The following CHD1L variants were observed in gnomAD, a reference collection of about 807,000 sequenced individuals.
The protein encoded by CHD1L is ATP-dependent chromatin remodeler CHD1L.
Under a neutral mutation model 115.9 loss-of-function variants are expected in CHD1L, and 118 were observed. The ratio of observed to expected loss-of-function variants is 1.02; its 90% CI spans 0.88 to 1.19. The LOEUF (loss-of-function observed/expected upper bound fraction) is 1.19. Among genes scored for constraint, CHD1L ranks in the 50% most tolerant of loss-of-function variants. CHD1L has a pLI of 0.00. For synonymous variants in CHD1L, 411 were observed against 387.1 expected (o/e 1.06, Z -0.72); for missense variants, 1,179 against 1,065.3 (o/e 1.11, Z -1.49).
chr1:147,190,176 C>T, the CHD1L span: 1 of 1,596,826 alleles, frequency 6.3e-7, no homozygotes, highest in South Asian at 1.1e-5. Flanking sequence ...GAGTTTCTTA[C>T]CTTTTGTCAA....
In CHD1L at chr1:147,268,868, C is replaced by T. The variant is rs782364141; in HGVS notation, c.1075C>T (p.Leu359=). 1 of 1,612,506 alleles carries T rather than the reference C, an allele frequency of 6.2e-7. No individual in the cohort carries two copies. The highest frequency in any genetic ancestry group is 8.5e-7 in the Non-Finnish European group (1 of 1,178,888). The change falls in exon 10 of 23, where the codon CTG becomes TTG. Residue 359 remains leucine (L), a synonymous_variant. Transcript: ENST00000369258. ...LHLLDKLLAF[L]YSGGHRVLLF... is the part of the protein sequence containing the mutation. ...CCTGCTGGATAAGCTACTAGCATTC[C>T]TGTATTCTGGGTAGGTGGTAGGTTC...
In CHD1L at chr1:147,272,883, C is replaced by CT. The variant is rs1553954444; in HGVS notation, c.1270+603dup. Among the ~76,000 whole-genome samples the CT allele has an allele frequency of 5.8e-5, 8 of 137,742 alleles. No homozygotes were observed. In the South Asian group the frequency reaches 9.7e-4, roughly 17 times the overall value. The allele number at this position is 137,742 out of a possible 152,430, so 90.4% of individuals were successfully genotyped here. On this transcript the variant is annotated intron_variant, in intron 12 of 22. Transcript: ENST00000369258. ...CAGCTCTTGGAGATGAAATGATTCTCTAAGTCATTGTGGTGTCTGGAAAAA... is the reference window on the plus strand; with the variant it reads ...CAGCTCTTGGAGATGAAATGATTCTCTTAAGTCATTGTGGTGTCTGGAAAAA...
At chr1:147,193,048 C>T in the CHD1L span, among the ~76,000 whole-genome samples, 1 of 152,262 alleles carries the variant, frequency 6.6e-6, no homozygotes, top group Non-Finnish European at 1.5e-5. Flanking sequence ...AAGATTCCTT[C>T]TTTTTCTATT....
Position 147,267,438 on chromosome 1 carries a change from A to G in CHD1L, c.908A>G (p.Asn303Ser), listed in dbSNP as rs587697021. 9.9e-6 allele frequency: 16 copies of G among 1,612,738 alleles called. No homozygotes were observed. Among genetic ancestry groups the G allele is most frequent in the South Asian group, 7.7e-5 (7 of 90,832 alleles). ...ILMKDLDAFE[N>S]ETAKKVKLQN... ...TTTTAAATTTCAGATGCATTTGAAA[A>G]TGAGACGGCAAAGAAAGTTAAACTA... The change falls in exon 9 of 23, where the codon AAT (asparagine) becomes AGT (serine). Residue 303 changes from asparagine (N) to serine (S), a missense_variant. Coordinates refer to ENST00000369258, the MANE Select transcript of CHD1L (RefSeq NM_004284.6).
intron 6 of CHD1L, chr1:147,260,238 A>G (rs1393615301): frequency 4.7e-6 from 1 of 212,976 alleles, no homozygotes; most frequent in African/African-American, 2.3e-5. Context: ...CAAATGTACA[A>G]TACCATGATA....
At chr1:147,175,084 A>G in the CHD1L span, 3 of 152,216 alleles carry the variant, frequency 2.0e-5, no homozygotes, top group Non-Finnish European at 2.9e-5. Context: ...TTATATTCCC[A>G]TCTCCACTCA....
At chr1:147,294,376 G>T in intron 21 of CHD1L, 33 bp from the exon 22 acceptor site, 1 of 1,489,434 alleles carries the variant, frequency 6.7e-7, no homozygotes, top group South Asian at 1.2e-5. Context: ...AATTTTTGAT[G>T]AGTGAAGACA....
the CHD1L span, among the ~76,000 whole-genome samples, chr1:147,234,254 C>A: frequency 6.6e-6 from 1 of 152,164 alleles, no homozygotes; most frequent in Non-Finnish European, 1.5e-5. Context: ...TGTGATGGCC[C>A]CCTGCTCCCA....
At chr1:147,186,352 CA>C in the CHD1L span, 1 of 962,088 alleles carries the variant, frequency 1.0e-6, no homozygotes, top group Non-Finnish European at 1.2e-6. Context: ...TAGTGAATAG[CA>C]AGTGAAACAA....
the CHD1L span, among the ~76,000 whole-genome samples, chr1:147,226,254 C>T: frequency 6.6e-6 from 1 of 151,942 alleles, no homozygotes; most frequent in Non-Finnish European, 1.5e-5. Flanking sequence ...ACCTATACCT[C>T]TCTCCTCCCC....
the CHD1L span, among the ~76,000 whole-genome samples, chr1:147,228,291 A>T: frequency 6.6e-6 from 1 of 151,812 alleles, no homozygotes; most frequent in East Asian, 1.9e-4. Context: ...CAGTTTGCTG[A>T]GAATGATGGT....
chr1:147,281,337 CCTGA>C (rs1227418473), intron 15 of CHD1L, among the ~76,000 whole-genome samples: 19 of 152,152 alleles, frequency 1.2e-4, no homozygotes, highest in Admixed American at 2.6e-4. Flanking sequence ...ATAGTCTCTG[CCTGA>C]CTGTCTACTC....
At chr1:147,258,510 G>T (rs1670848050) in intron 5 of CHD1L, among the ~76,000 whole-genome samples, 1 of 152,136 alleles carries the variant, frequency 6.6e-6, no homozygotes, top group Non-Finnish European at 1.5e-5. Flanking sequence ...ACTTCAACTG[G>T]ACCTTTGTTT....
chr1:147,188,763 T>C, the CHD1L span, among the ~76,000 whole-genome samples: 1 of 140,460 alleles, frequency 7.1e-6, no homozygotes, highest in Non-Finnish European at 1.6e-5. Context: ...TTTCAGAAGT[T>C]AAAAAAAAAA....
chr1:147,234,528 C>T, the CHD1L span, among the ~76,000 whole-genome samples: 2 of 152,212 alleles, frequency 1.3e-5, no homozygotes, highest in Non-Finnish European at 2.9e-5. Flanking sequence ...GATGTTATAA[C>T]ACATGTAAAG....
At chr1:147,213,360 C>CA in the CHD1L span, 1 of 1,613,482 alleles carries the variant, frequency 6.2e-7, no homozygotes, top group Non-Finnish European at 8.5e-7. Context: ...CAGTGCAAAC[C>CA]ATGACTCCAT....
chr1:147,287,018 C>T (rs1373065541), intron 18 of CHD1L, among the ~76,000 whole-genome samples: 1 of 152,160 alleles, frequency 6.6e-6, no homozygotes, highest in African/African-American at 2.4e-5. Flanking sequence ...TTTCCTTTAT[C>T]ACACCTGTCC....
chr1:147,229,917 A>G, the CHD1L span, among the ~76,000 whole-genome samples: 3 of 151,436 alleles, frequency 2.0e-5, no homozygotes, highest in Admixed American at 6.6e-5. Context: ...GGGCTGAGAC[A>G]ATGGGGTTTT....
At chr1:147,271,146 A>G in intron 11 of CHD1L, 141 bp downstream of exon 11, 1 of 682,260 alleles carries the variant, frequency 1.5e-6, no homozygotes. Flanking sequence ...AAAAATCAAA[A>G]GGCGAGAGGA....
Sources: allele counts gnomAD v4.1 joint callset (sites outside exome capture counted in the v4.1 genomes callset), GRCh38; gene constraint gnomAD v4.1.1; transcripts MANE v1.5; gene names NCBI Gene and HGNC (gene_info 2026-07-23, HGNC 2026-07-21).